The following DHX8 variants were observed in gnomAD, a reference collection of about 807,000 sequenced individuals.
DHX8 encodes the protein DEAH-box helicase 8.
DHX8 carries 67 observed loss-of-function variants against 140.7 expected under a neutral mutation model. That is an observed-to-expected ratio of 0.48 (90% CI 0.39 to 0.58). The LOEUF (loss-of-function observed/expected upper bound fraction) is 0.58, where lower values mean the gene tolerates loss of function less well. DHX8 is among the 20% of genes least tolerant of loss of function. DHX8 has a pLI of 0.00. For synonymous variants in DHX8, 533 were observed against 553.2 expected (o/e 0.96, Z 0.51); for missense variants, 887 against 1,550.7 (o/e 0.57, Z 7.19).
At chr17:43,541,577 T>C (rs1167271407) in intron 3 of DHX8, among the ~76,000 whole-genome samples, 3 of 152,134 alleles carry the variant, frequency 2.0e-5, no homozygotes, top group Non-Finnish European at 4.4e-5. Context: ...TCTCCCAAGC[T>C]GGATTCTGGA....
chr17:43,487,919 A>G (rs1416854168), intron 1 of DHX8, among the ~76,000 whole-genome samples: 1 of 151,912 alleles, frequency 6.6e-6, no homozygotes, highest in Non-Finnish European at 1.5e-5. Flanking sequence ...GGAGGTTGCA[A>G]TGAGCCAAGA....
chr17:43,498,962 G>C lies in DHX8; in HGVS notation c.1398+3G>C. The C allele has an allele frequency of 1.9e-6, 3 of 1,580,828 alleles. No individual in the cohort carries two copies. The East Asian group carries it at 6.9e-5, about 36-fold the overall frequency. The stretch of plus-strand genomic sequence containing the variant: ...TGAGCCCCATTAAAATTGTCAAGGT[G>C]AGAATTACTGGACCTTTAACCTGGA... On this transcript the variant is annotated splice_donor_region_variant and intron_variant, in intron 10 of 22. Transcript: ENST00000262415.
chr17:43,513,365 G>T lies in DHX8; in HGVS notation c.2506G>T (p.Val836Leu), dbSNP rs752686304. Reference protein sequence around the residue: ...DPAPPGSRKVVIATNIAETSL... With the variant: ...DPAPPGSRKVLIATNIAETSL... ...GCTTTGCCCCTCTTGCCTGCAGGTT[G>T]TGATTGCCACCAATATCGCAGAGAC... Residue 836 changes from valine (V) to leucine (L), a missense_variant, in exon 17 of 23, where the codon GTG (valine) becomes TTG (leucine). By Grantham distance (32) the Val-to-Leu change is conservative. This residue lies in a region of DHX8 where 151 missense variants were observed against 388.3 expected (regional missense o/e 0.39). Transcript: ENST00000262415. 1 of 1,613,048 alleles carries T rather than the reference G, an allele frequency of 6.2e-7. No homozygotes were observed. Among genetic ancestry groups the T allele is most frequent in the Non-Finnish European group, 8.5e-7 (1 of 1,179,506 alleles).
Position 43,525,047 on chromosome 17 carries a change from G to A in DHX8, c.*1200G>A. 1.0e-6 allele frequency: 1 copy of A among 985,064 alleles called. No homozygotes were observed. Among genetic ancestry groups the A allele is most frequent in the East Asian group, 1.1e-4 (1 of 8,790 alleles). 61.0% of individuals were successfully genotyped at this position (985,064 alleles called of 1,614,324 possible). A position where few individuals can be genotyped will look rare whatever the true frequency, so the allele number is the denominator to read the frequency against. On this transcript the variant is annotated 3_prime_UTR_variant, in exon 23 of 23. Transcript: ENST00000262415. ...GGCGTCAAGCAATCCTCCTGCCTCT[G>A]CCTCCCAAAGCGCTGGGATTACAGT...
intron 2 of DHX8, among the ~76,000 whole-genome samples, chr17:43,533,512 C>A (rs1313002948): frequency 6.6e-6 from 1 of 152,092 alleles, no homozygotes; most frequent in African/African-American, 2.4e-5. Flanking sequence ...CTAGCCAATT[C>A]TTTTCTTTTT....
chr17:43,529,425 G>A (rs991838358), downstream of DHX8: 13 of 1,517,128 alleles, frequency 8.6e-6, no homozygotes, highest in African/African-American at 8.3e-5. Context: ...ATGGAGGCAC[G>A]TGCCACCATT....
At chr17:43,493,996 G>A (rs1000053527) in intron 8 of DHX8, 110 bp downstream of exon 8, 2 of 1,082,160 alleles carry the variant, frequency 1.8e-6, no homozygotes, top group South Asian at 2.9e-5. Flanking sequence ...CACTGTATTA[G>A]TCTGTTTTCA....
At chr17:43,528,467 A>G, downstream of DHX8, 5 of 1,241,310 alleles carry the variant, frequency 4.0e-6, no homozygotes, top group East Asian at 2.4e-5. Flanking sequence ...AGATTCATTT[A>G]TATGTACACA....
chr17:43,535,524 G>A (rs1010258974), intron 2 of DHX8, among the ~76,000 whole-genome samples: 1 of 152,094 alleles, frequency 6.6e-6, no homozygotes, highest in African/African-American at 2.4e-5. Flanking sequence ...TGATCCACGC[G>A]CCTCAGCCTC....
At chr17:43,543,188 C>G (rs148139827) in intron 3 of DHX8, among the ~76,000 whole-genome samples, 9 of 151,896 alleles carry the variant, frequency 5.9e-5, no homozygotes, top group African/African-American at 2.2e-4. Flanking sequence ...CGCCCACCCC[C>G]CTCACCTCCG....
chr17:43,514,146 A>T (rs554451931), intron 17 of DHX8, among the ~76,000 whole-genome samples: 2 of 152,174 alleles, frequency 1.3e-5, no homozygotes, highest in South Asian at 2.1e-4. Flanking sequence ...GTTCTAAACT[A>T]GCCTGGGCAA....
rs577790871 is a variant in DHX8, at chr17:43,525,235, C to T, written c.*1388C>T. 26 of 985,424 alleles carry T rather than the reference C, an allele frequency of 2.6e-5. 1 individual carries two copies. The South Asian group carries it at 9.9e-4, about 37-fold the overall frequency. The allele number at this position is 985,424 out of a possible 1,614,324, so 61.0% of individuals were successfully genotyped here. A position where few individuals can be genotyped will look rare whatever the true frequency, so the allele number is the denominator to read the frequency against. On this transcript the variant is annotated 3_prime_UTR_variant, in exon 23 of 23. Transcript: ENST00000262415. ...CACATCCTGTTACGTTGCTGCTTCT[C>T]CTGTCCTTATGTTATTAGTAAGTTC...
chr17:43,530,388 A>T, downstream of DHX8: 1 of 1,435,750 alleles, frequency 7.0e-7, no homozygotes, highest in Non-Finnish European at 9.1e-7. Context: ...CCTCAACTTG[A>T]GGGCTGCGGC....
At position 43,498,911 on chromosome 17, in the gene DHX8, A is replaced by G. The variant is rs1969028360; in HGVS notation, c.1350A>G (p.Arg450=). Residue 450 remains arginine, a synonymous_variant, in exon 10 of 23, where the codon AGA becomes AGG. Transcript: ENST00000262415. ...TTGAGGAAGAGCCTCCATTCCTGAG[A>G]GGGCACACTAAGCAAAGCATGGACA... The part of the protein sequence containing the change: ...ELVEEEPPFL[R]GHTKQSMDMS... 6.3e-7 allele frequency: 1 copy of G among 1,593,720 alleles called. No homozygotes were observed. Among genetic ancestry groups the G allele is most frequent in the South Asian group, 1.1e-5 (1 of 87,934 alleles).
At chr17:43,520,967 T>TA (rs1438046946) in intron 20 of DHX8, 88 bp downstream of exon 20, 29 of 848,550 alleles carry the variant, frequency 3.4e-5, no homozygotes, top group Non-Finnish European at 4.6e-5. Flanking sequence ...ATGTGGACTT[T>TA]TTTTTTTTTT....
intron 9 of DHX8, 110 bp from the exon 10 acceptor site, chr17:43,498,752 G>T: frequency 1.2e-6 from 1 of 817,482 alleles, no homozygotes. Context: ...CCCCACCAGG[G>T]GAAGCTGTTT....
chr17:43,522,025 A>G (rs936762493), intron 21 of DHX8, 22 bp from the exon 22 acceptor site: 5 of 1,611,392 alleles, frequency 3.1e-6, no homozygotes, highest in Non-Finnish European at 4.2e-6. Flanking sequence ...GTGGGCTCAT[A>G]TCTTTTGTCC....
Position 43,532,746 on chromosome 17 carries a change from C to G in DHX8, c.351-3666C>G, listed in dbSNP as rs201571041. 4 of 1,613,928 alleles carry G rather than the reference C, an allele frequency of 2.5e-6. No individual in the cohort carries two copies. The African/African-American group carries it at 5.3e-5, about 22-fold the overall frequency. ...GCCCCTGGGTACCTGTGCCCATTGA[C>G]CCCACCCTGGTCCACGGCTGGCTGG... On this transcript the variant is annotated intron_variant, in intron 2 of 3. Transcript: ENST00000589898.
downstream of DHX8, chr17:43,544,771 T>C (rs1971714176): frequency 7.4e-6 from 4 of 539,412 alleles, no homozygotes; most frequent in African/African-American, 1.9e-5. Flanking sequence ...TGGCTCAGGG[T>C]AGAGAAAATA....
Sources: allele counts gnomAD v4.1 joint callset (sites outside exome capture counted in the v4.1 genomes callset), GRCh38; gene constraint gnomAD v4.1.1; regional missense constraint gnomAD v4.1.1; transcripts MANE v1.5; gene names NCBI Gene and HGNC (gene_info 2026-07-23, HGNC 2026-07-21).